KIAA1217: variants seen among roughly 807,000 people sequenced by gnomAD.
The protein encoded by KIAA1217 is sickle tail protein homolog.
KIAA1217 carries 88 observed loss-of-function variants against 163.9 expected under a neutral mutation model. The observed-to-expected ratio is 0.54, with a 90% CI of 0.45 to 0.64. The LOEUF (loss-of-function observed/expected upper bound fraction) is 0.64, where lower values mean the gene tolerates loss of function less well. KIAA1217 is among the 30% of genes least tolerant of loss of function. KIAA1217 has a pLI of 0.00. For synonymous variants in KIAA1217, 903 were observed against 923.1 expected (o/e 0.98, Z 0.39); for missense variants, 2,372 against 2,475.0 (o/e 0.96, Z 0.88).
chr10:24,448,282 T>C (rs1042184376), intron 5 of KIAA1217, among the ~76,000 whole-genome samples: 15 of 152,184 alleles, frequency 9.9e-5, no homozygotes, highest in African/African-American at 3.4e-4. Context: ...TGAATTCACC[T>C]GTGGTAGAAC....
chr10:23,850,916 G>A (rs1162250277), intron 1 of KIAA1217, among the ~76,000 whole-genome samples: 2 of 152,020 alleles, frequency 1.3e-5, no homozygotes, highest in African/African-American at 4.8e-5. Context: ...CACGTCTCGT[G>A]AGAACTCACT....
intron 5 of KIAA1217, among the ~76,000 whole-genome samples, chr10:24,442,185 C>A (rs541923825): frequency 6.6e-6 from 1 of 152,244 alleles, no homozygotes; most frequent in East Asian, 1.9e-4. Context: ...TTCTACTGAT[C>A]TTTGTATTTG....
intron 2 of KIAA1217, among the ~76,000 whole-genome samples, chr10:24,043,701 T>C (rs902284120): frequency 6.6e-6 from 1 of 152,162 alleles, no homozygotes; most frequent in African/African-American, 2.4e-5. Context: ...GAAAAATTCT[T>C]AGAAAAGGAA....
chr10:24,318,185 A>G (rs932356397), intron 2 of KIAA1217, among the ~76,000 whole-genome samples: 4 of 151,834 alleles, frequency 2.6e-5, no homozygotes, highest in Non-Finnish European at 5.9e-5. Context: ...TAGATTAGAG[A>G]GGTAGGTAGG....
intron 2 of KIAA1217, among the ~76,000 whole-genome samples, chr10:24,326,977 A>T (rs933613544): frequency 6.6e-6 from 1 of 152,224 alleles, no homozygotes; most frequent in African/African-American, 2.4e-5. Flanking sequence ...CCTTTTGGTT[A>T]TGCATAACTT....
chr10:23,797,562 C>G (rs534268742), intron 1 of KIAA1217, among the ~76,000 whole-genome samples: 6 of 151,978 alleles, frequency 3.9e-5, no homozygotes, highest in Non-Finnish European at 7.4e-5. Flanking sequence ...GTACAGGAAG[C>G]GTGGCTGGGG....
At chr10:24,459,805 C>T (rs1215162124) in intron 5 of KIAA1217, among the ~76,000 whole-genome samples, 1 of 151,986 alleles carries the variant, frequency 6.6e-6, no homozygotes, top group Non-Finnish European at 1.5e-5. Flanking sequence ...GTAGTGTGCA[C>T]CTATAATCCT....
intron 19 of KIAA1217, 59 bp downstream of exon 19, chr10:24,544,540 C>T: frequency 4.6e-6 from 7 of 1,537,472 alleles, no homozygotes; most frequent in East Asian, 2.3e-5. Flanking sequence ...CTGCCATAAT[C>T]ACCATTAGTG....
intron 2 of KIAA1217, among the ~76,000 whole-genome samples, chr10:24,127,322 G>A (rs2063503170): frequency 6.6e-6 from 1 of 152,078 alleles, no homozygotes; most frequent in Non-Finnish European, 1.5e-5. Flanking sequence ...GGTGGGGTTG[G>A]GGAGGGTTTA....
rs78228438 is a variant in KIAA1217 at position 23,756,873 on chromosome 10, T to G, written c.-321+61639T>G. Among the ~76,000 whole-genome samples, 258 of 152,326 alleles carry G rather than the reference T, an allele frequency of 1.7e-3. 13 individuals are homozygous for G. The East Asian group carries it at 0.028, about 17-fold the overall frequency. ...ATCACCACAGTTTATCCCACATACA[T>G]TTTTCATCTTGCAAAGTCGAAATGC... On this transcript the variant is annotated intron_variant, in intron 1 of 18. Coordinates refer to the KIAA1217 transcript ENST00000376462.
chr10:24,524,761 C>G lies in KIAA1217; in HGVS notation c.2895C>G (p.Ile965Met). 6.3e-7 allele frequency: 1 copy of G among 1,585,066 alleles called. No individual in the cohort carries two copies. Among genetic ancestry groups the G allele is most frequent in the Non-Finnish European group, 8.6e-7 (1 of 1,160,914 alleles). Reference sequence around the variant, plus strand: ...GTGCCAAGAACAGGGCAGTGTCTATCGAGGTAGAGTCCTATTTCTGTTTCT... The same window carrying G: ...GTGCCAAGAACAGGGCAGTGTCTATGGAGGTAGAGTCCTATTTCTGTTTCT... ...SVSAKNRAVS[I>M]EKAEKKWEEK... Residue 965 changes from isoleucine (I) to methionine (M), a missense_variant, in exon 13 of 21, where the codon ATC (isoleucine) becomes ATG (methionine). Ile to Met is a conservative substitution (Grantham distance 10). Coordinates refer to ENST00000376454, the MANE Select transcript of KIAA1217 (RefSeq NM_019590.5).
intron 2 of KIAA1217, among the ~76,000 whole-genome samples, chr10:24,088,293 A>G (rs1162290822): frequency 8.7e-6 from 1 of 115,574 alleles, no homozygotes; most frequent in African/African-American, 2.6e-5. Context: ...ATATGTGTAT[A>G]TATATATATA....
At chr10:24,431,107 C>T (rs1171611829) in intron 3 of KIAA1217, among the ~76,000 whole-genome samples, 1 of 152,208 alleles carries the variant, frequency 6.6e-6, no homozygotes, top group Non-Finnish European at 1.5e-5. Flanking sequence ...GTTAGTTCCT[C>T]TCTCATTCCC....
At chr10:23,751,002 C>T (rs1839705275) in intron 1 of KIAA1217, among the ~76,000 whole-genome samples, 4 of 148,804 alleles carry the variant, frequency 2.7e-5, no homozygotes, top group Admixed American at 1.4e-4. Context: ...CTTCCCTTCC[C>T]TTTGTTTTTT....
chr10:24,023,725 A>G (rs975086976), intron 2 of KIAA1217, among the ~76,000 whole-genome samples: 5 of 151,782 alleles, frequency 3.3e-5, no homozygotes, highest in Admixed American at 1.3e-4. Flanking sequence ...ATAATACAAA[A>G]TAATGAAAAC....
chr10:24,436,814 A>G (rs1203264682), intron 4 of KIAA1217, among the ~76,000 whole-genome samples: 3 of 151,628 alleles, frequency 2.0e-5, no homozygotes, highest in East Asian at 1.9e-4. Flanking sequence ...GTAGATTTCA[A>G]CTGGAGACAG....
At position 24,434,670 on chromosome 10, in the gene KIAA1217, A is replaced by G. The variant is rs1331087986; in HGVS notation, c.752+1477A>G. ...CTTTATTGTCATTTTGGTGTCATGT[A>G]TACAGTAGAAAGAACTCATTTGATC... is the stretch of plus-strand genomic sequence containing the variant. On this transcript the variant is annotated intron_variant, in intron 4 of 20. Coordinates refer to ENST00000376454, the MANE Select transcript of KIAA1217 (RefSeq NM_019590.5). Among the ~76,000 whole-genome samples, 4 of 152,228 alleles carry G rather than the reference A, an allele frequency of 2.6e-5. No individual in the cohort carries two copies. The East Asian group carries it at 5.8e-4, about 22-fold the overall frequency.
intron 1 of KIAA1217, among the ~76,000 whole-genome samples, chr10:23,805,951 GTTT>G (rs1297783112): frequency 8.2e-6 from 1 of 122,588 alleles, no homozygotes; most frequent in Non-Finnish European, 1.6e-5. Context: ...GGGAGGCGGA[GTTT>G]GCAGTGACTC....
chr10:24,464,396 G>A (rs1306334187), intron 5 of KIAA1217, among the ~76,000 whole-genome samples: 2 of 152,164 alleles, frequency 1.3e-5, no homozygotes, highest in South Asian at 4.1e-4. Context: ...ACTTCTTCTC[G>A]CATTGAACCG....
Sources: gnomAD v4.1 joint callset for allele counts (sites outside exome capture counted in the v4.1 genomes callset) on GRCh38, gnomAD v4.1.1 for gene constraint, MANE v1.5 for transcripts, NCBI Gene and HGNC (gene_info 2026-07-23, HGNC 2026-07-21) for gene names.